The following TOX2 variants were observed in gnomAD, a reference collection of about 807,000 sequenced individuals.
The protein encoded by TOX2 is granulosa cell HMG box 1.
TOX2 carries 15 observed loss-of-function variants against 47.4 expected under a neutral mutation model. That is an observed-to-expected ratio of 0.32 (90% confidence interval 0.21 to 0.49). The LOEUF (loss-of-function observed/expected upper bound fraction) is 0.49, where lower values mean the gene tolerates loss of function less well. Among genes scored for constraint, TOX2 ranks in the 20% least tolerant of loss-of-function variants. The pLI, the probability that TOX2 is intolerant of heterozygous loss-of-function variation, is 0.99. For synonymous variants in TOX2, 290 were observed against 296.6 expected (o/e 0.98, Z 0.23); for missense variants, 622 against 673.1 (o/e 0.92, Z 0.84).
intron 3 of TOX2, among the ~76,000 whole-genome samples, chr20:44,014,190 G>A (rs932607545): frequency 1.3e-5 from 2 of 150,494 alleles, no homozygotes; most frequent in African/African-American, 4.9e-5. Context: ...ATCACATGGT[G>A]GCCTAGGATC....
chr20:44,046,271 A>G (rs183885797), intron 3 of TOX2, among the ~76,000 whole-genome samples: 1 of 152,234 alleles, frequency 6.6e-6, no homozygotes. Context: ...CAGTAAAGAC[A>G]TAACATTCTG....
At chr20:44,050,948 C>T (rs1317539986) in intron 3 of TOX2, among the ~76,000 whole-genome samples, 1 of 152,180 alleles carries the variant, frequency 6.6e-6, no homozygotes, top group Non-Finnish European at 1.5e-5. Context: ...ATGCTGACTG[C>T]TCAGTTCATG....
Position 43,916,982 on chromosome 20 carries a change from C to A in TOX2, c.99+1992C>A, listed in dbSNP as rs1019191754. Among the ~76,000 whole-genome samples, 1 of 152,152 alleles carries A rather than the reference C, an allele frequency of 6.6e-6. No individual in the cohort carries two copies. Among genetic ancestry groups the A allele is most frequent in the African/African-American group, 2.4e-5 (1 of 41,432 alleles). On this transcript the variant is annotated intron_variant, in intron 1 of 8. Transcript: ENST00000341197. The surrounding 1 kb of genome is among the most constrained non-coding windows in gnomAD (Gnocchi z 5.0). Reference sequence around the variant, plus strand: ...GGCCCGTCAGGGAGGGAATGAGAAGCCGGCGATTCTGGTTTCTTTCTGTGT... The same window carrying A: ...GGCCCGTCAGGGAGGGAATGAGAAGACGGCGATTCTGGTTTCTTTCTGTGT...
At chr20:43,945,398 C>T (rs926646562) in intron 1 of TOX2, among the ~76,000 whole-genome samples, 2 of 152,218 alleles carry the variant, frequency 1.3e-5, no homozygotes, top group Admixed American at 6.5e-5. Flanking sequence ...CCCTGGCTTT[C>T]GACATTTAGC....
intron 3 of TOX2, among the ~76,000 whole-genome samples, chr20:44,015,588 G>A (rs1481688796): frequency 3.9e-5 from 6 of 152,130 alleles, no homozygotes; most frequent in Middle Eastern, 3.4e-3. Context: ...TAATAGCTTC[G>A]GCTAGAAAAA....
Position 44,053,550 on chromosome 20 carries a change from A to G in TOX2, c.652-749A>G, listed in dbSNP as rs576701518. Among the ~76,000 whole-genome samples the G allele has an allele frequency of 1.1e-4, 16 of 143,354 alleles. No homozygotes were observed. The South Asian group carries it at 3.5e-3, about 32-fold the overall frequency. 94.0% of individuals were successfully genotyped at this position (143,354 alleles called of 152,430 possible). On this transcript the variant is annotated intron_variant, in intron 4 of 8. Coordinates refer to ENST00000341197, the MANE Select transcript of TOX2 (RefSeq NM_001098797.2). ...ATATATACATATATACTATATATAT[A>G]CATATATACTATATATACACACACA...
chr20:43,980,340 G>T (rs574656919), intron 2 of TOX2, among the ~76,000 whole-genome samples: 2 of 152,324 alleles, frequency 1.3e-5, no homozygotes, highest in East Asian at 3.9e-4. Flanking sequence ...AACCCATGGA[G>T]ATAGGGAGTA....
At chr20:44,054,623 A>G in intron 5 of TOX2, 97 bp downstream of exon 5, 1 of 1,297,890 alleles carries the variant, frequency 7.7e-7, no homozygotes, top group Non-Finnish European at 1.1e-6. Flanking sequence ...CAGCTCTGGA[A>G]CTAGAGACTC....
chr20:44,022,766 C>T (rs73292468), intron 3 of TOX2, among the ~76,000 whole-genome samples: 2,032 of 152,300 alleles, frequency 0.013, 35 homozygotes, highest in African/African-American at 0.046. Flanking sequence ...GCCCATGAAA[C>T]CAAAGCTCCT....
At chr20:44,013,841 A>G (rs2070825421) in intron 3 of TOX2, among the ~76,000 whole-genome samples, 1 of 152,106 alleles carries the variant, frequency 6.6e-6, no homozygotes, top group Admixed American at 6.5e-5. Context: ...TGAGAGGTGT[A>G]TGTCTCAAGG....
At chr20:44,068,353 C>G (rs2071871254) in intron 8 of TOX2, among the ~76,000 whole-genome samples, 2 of 152,192 alleles carry the variant, frequency 1.3e-5, no homozygotes, top group Admixed American at 6.5e-5. Context: ...TGATTAAAAA[C>G]CCATGTGAGA....
At chr20:44,005,920 C>T (rs191538096) in intron 2 of TOX2, among the ~76,000 whole-genome samples, 5 of 152,004 alleles carry the variant, frequency 3.3e-5, no homozygotes, top group African/African-American at 1.2e-4. Context: ...CTGGAGGTTC[C>T]TGGACAGTTT....
intron 3 of TOX2, among the ~76,000 whole-genome samples, chr20:44,009,549 C>A (rs1199901035): frequency 1.3e-5 from 2 of 152,142 alleles, no homozygotes; most frequent in African/African-American, 4.8e-5. Context: ...TGGTTTTAAC[C>A]CATTTATGCC....
At chr20:44,043,437 AT>A (rs2071365175) in intron 3 of TOX2, among the ~76,000 whole-genome samples, 1 of 152,062 alleles carries the variant, frequency 6.6e-6, no homozygotes, top group Non-Finnish European at 1.5e-5. Context: ...CTTTTACTAC[AT>A]TTTCATATAT....
At chr20:44,024,244 A>T (rs2071023637) in intron 3 of TOX2, among the ~76,000 whole-genome samples, 2 of 152,080 alleles carry the variant, frequency 1.3e-5, no homozygotes, top group Admixed American at 1.3e-4. Context: ...CATAATGCTA[A>T]AGTCATATAT....
chr20:44,038,587 A>G lies in TOX2; in HGVS notation c.412-12719A>G, dbSNP rs1323618376. Among the ~76,000 whole-genome samples the G allele has an allele frequency of 2.0e-5, 3 of 152,176 alleles. No homozygotes were observed. In the East Asian group the frequency reaches 5.8e-4, roughly 29 times the overall value. On this transcript the variant is annotated intron_variant, in intron 3 of 8. Transcript: ENST00000341197. ...AGAAAAAAATTTAATTGTGGGGGAA[A>G]AAAATTCCACCTTTCCAGGCTGAAG...
chr20:44,009,934 C>T (rs78507654), intron 3 of TOX2, among the ~76,000 whole-genome samples: 2 of 152,106 alleles, frequency 1.3e-5, no homozygotes, highest in South Asian at 4.1e-4. Flanking sequence ...TCCCAGACAC[C>T]AGAATTAGAT....
chr20:43,952,420 TTGCTCTTACTA>T (rs1448071514), intron 1 of TOX2, among the ~76,000 whole-genome samples: 1 of 152,176 alleles, frequency 6.6e-6, no homozygotes. Flanking sequence ...AGGCTTATTT[TTGCTCTTACTA>T]TGTGTTCCAT....
chr20:44,002,237 G>T (rs1238749658), intron 2 of TOX2, among the ~76,000 whole-genome samples: 3 of 152,156 alleles, frequency 2.0e-5, no homozygotes, highest in Non-Finnish European at 4.4e-5. Context: ...TTCCTTGTGT[G>T]TGTCCCCCAT....
Sources: allele counts gnomAD v4.1 joint callset (sites outside exome capture counted in the v4.1 genomes callset), GRCh38; gene constraint gnomAD v4.1.1; non-coding constraint Gnocchi (gnomAD v3.1); transcripts MANE v1.5; gene names NCBI Gene and HGNC (gene_info 2026-07-23, HGNC 2026-07-21).